HSPA4: variants seen among roughly 807,000 people sequenced by gnomAD.
HSPA4 encodes heat shock protein family A (Hsp70) member 4.
Under a neutral mutation model 106.2 loss-of-function variants are expected in HSPA4, and 25 were observed. The ratio of observed to expected loss-of-function variants is 0.24; its 90% confidence interval spans 0.17 to 0.33. The LOEUF (loss-of-function observed/expected upper bound fraction) is 0.33. Among genes scored for constraint, HSPA4 ranks in the 10% least tolerant of loss-of-function variants. The pLI is 1.00. For synonymous variants in HSPA4, 332 were observed against 333.6 expected, an observed-to-expected ratio of 1.00 and a Z score of 0.05; for missense variants, 841 against 996.0, an observed-to-expected ratio of 0.84 and a Z score of 2.10.
rs750197107 is a variant in HSPA4, at chr5:133,070,502, T to G, written c.429+6T>G. The G allele has an allele frequency of 7.4e-6, 12 of 1,613,420 alleles. No homozygotes were observed. The highest frequency in any genetic ancestry group is 1.0e-5 in the Non-Finnish European group (12 of 1,179,676). ...TAGTTGACTGTGTTGTTTCGGTGAG[T>G]TTGATCCCTATACATTATTGGGAAT... On this transcript the variant is annotated splice_donor_region_variant and intron_variant, in intron 4 of 18. Transcript: ENST00000304858.
chr5:133,097,808 C>G (rs1192382610), intron 15 of HSPA4, among the ~76,000 whole-genome samples: 2 of 151,938 alleles, frequency 1.3e-5, no homozygotes, highest in African/African-American at 4.8e-5. Flanking sequence ...CTTGGCCTCC[C>G]GAAGTGCTGG....
At chr5:133,063,513 C>T (rs111614517) in intron 1 of HSPA4, among the ~76,000 whole-genome samples, 2,537 of 152,158 alleles carry the variant, frequency 0.017, 35 homozygotes, top group South Asian at 0.039. Context: ...TCACTGCAAC[C>T]TCCGTCTCCC....
intron 7 of HSPA4, among the ~76,000 whole-genome samples, chr5:133,078,914 T>A (rs1373862740): frequency 6.6e-6 from 1 of 151,934 alleles, no homozygotes; most frequent in African/African-American, 2.4e-5. Context: ...TTGTATTTTT[T>A]GTAGAGACTG....
At chr5:133,053,740 A>G (rs760699812) in intron 1 of HSPA4, among the ~76,000 whole-genome samples, 68 of 151,206 alleles carry the variant, frequency 4.5e-4, no homozygotes, top group Non-Finnish European at 6.9e-4. Context: ...GCTCATTGCA[A>G]CCTCGGCCTC....
At position 133,089,703 on chromosome 5, in the gene HSPA4, A is replaced by C; in HGVS notation, c.1378+8A>C. The C allele has an allele frequency of 6.5e-7, 1 of 1,532,588 alleles. No homozygotes were observed. Among genetic ancestry groups the C allele is most frequent in the South Asian group, 1.3e-5 (1 of 78,460 alleles). 94.9% of individuals were successfully genotyped at this position (1,532,588 alleles called of 1,614,324 possible). ...ATCCAGATCCTGCTATAGGTAAGTA[A>C]AGAGTTGGAAATTAAAAAAGAAAAA... On this transcript the variant is annotated splice_region_variant and intron_variant, in intron 11 of 18. Coordinates refer to ENST00000304858, the MANE Select transcript of HSPA4 (RefSeq NM_002154.4).
Position 133,091,335 on chromosome 5 carries a change from G to A in HSPA4, c.1521G>A (p.Glu507=). The stretch of plus-strand genomic sequence containing the variant: ...AGGTTCACAAGTCTGAGGAAAATGA[G>A]GAGCCAATGGAAACAGATCAGAATG... ...LVEVHKSEEN[E]EPMETDQNAK... is the part of the protein sequence containing the mutation. Residue 507 remains glutamate, a synonymous_variant, in exon 12 of 19, where the codon GAG becomes GAA. Transcript: ENST00000304858. 6.2e-7 allele frequency: 1 copy of A among 1,613,876 alleles called. No individual in the cohort carries two copies. The highest frequency in any genetic ancestry group is 1.7e-5 in the Admixed American group (1 of 59,976).
At chr5:133,091,852 C>T (rs1252332279) in intron 12 of HSPA4, among the ~76,000 whole-genome samples, 1 of 151,812 alleles carries the variant, frequency 6.6e-6, no homozygotes, top group South Asian at 2.1e-4. Context: ...AAAGTGAGAC[C>T]CTCATCTCTA....
In HSPA4 at chr5:133,089,629, G is replaced by A; in HGVS notation, c.1312G>A (p.Glu438Lys). The change falls in exon 11 of 19, where the codon GAA (glutamate) becomes AAA (lysine). Residue 438 changes from glutamate (E) to lysine (K), a missense_variant. By Grantham distance (56) the Glu-to-Lys change is moderately conservative. This residue lies in a region of HSPA4 where 162 missense variants were observed against 177.7 expected (regional missense o/e 0.91). Transcript: ENST00000304858. The part of the protein sequence containing the change: ...FSKVLTFYRK[E>K]PFTLEAYYSS... The stretch of plus-strand genomic sequence containing the variant: ...TAAAGTTCTTACATTTTATAGAAAG[G>A]AACCTTTCACTCTTGAGGCCTACTA... The A allele has an allele frequency of 6.2e-7, 1 of 1,612,104 alleles. No individual in the cohort carries two copies. Among genetic ancestry groups the A allele is most frequent in the Non-Finnish European group, 8.5e-7 (1 of 1,178,758 alleles).
chr5:133,098,962 C>T (rs548801810), intron 15 of HSPA4, among the ~76,000 whole-genome samples: 2 of 152,254 alleles, frequency 1.3e-5, no homozygotes, highest in Non-Finnish European at 2.9e-5. Context: ...AGCCAGTGTT[C>T]CCAGATGCAC....
chr5:133,089,729 A>G (rs1431462061), intron 11 of HSPA4, 34 bp downstream of exon 11: 30 of 1,480,752 alleles, frequency 2.0e-5, no homozygotes, highest in Admixed American at 2.5e-5. Flanking sequence ...AAAAGAAAAA[A>G]AAAAAAAAGC....
intron 10 of HSPA4, 34 bp downstream of exon 10, chr5:133,089,195 G>A (rs1554089702): frequency 8.5e-7 from 1 of 1,179,672 alleles, no homozygotes; most frequent in Admixed American, 2.1e-5. Context: ...CATATCTAAA[G>A]TTAATTGACT....
intron 3 of HSPA4, 61 bp from the exon 4 acceptor site, chr5:133,070,313 A>G: frequency 2.7e-6 from 4 of 1,506,754 alleles, no homozygotes; most frequent in Non-Finnish European, 3.6e-6. Flanking sequence ...TTTAGCTTTT[A>G]GGACTAGGAC....
At chr5:133,080,888 T>C (rs1765506226) in intron 7 of HSPA4, among the ~76,000 whole-genome samples, 2 of 152,204 alleles carry the variant, frequency 1.3e-5, no homozygotes, top group South Asian at 4.1e-4. Flanking sequence ...ACCTTACTAT[T>C]TTAAAGTGTA....
intron 15 of HSPA4, among the ~76,000 whole-genome samples, chr5:133,097,502 T>C (rs965610451): frequency 2.6e-5 from 4 of 152,086 alleles, no homozygotes; most frequent in South Asian, 2.1e-4. Flanking sequence ...AAATCACTTT[T>C]GACACATTCG....
At chr5:133,065,860 C>T (rs1416002491) in intron 2 of HSPA4, among the ~76,000 whole-genome samples, 1 of 152,156 alleles carries the variant, frequency 6.6e-6, no homozygotes, top group African/African-American at 2.4e-5. Context: ...TCTGAGATAT[C>T]TGTAAAATTA....
At chr5:133,099,698 C>T (rs770352726) in intron 16 of HSPA4, 46 bp downstream of exon 16, 3 of 1,042,260 alleles carry the variant, frequency 2.9e-6, no homozygotes, top group South Asian at 2.9e-5. Flanking sequence ...CTTGTTGAAG[C>T]TTCCTCTGAG....
At chr5:133,056,875 C>T (rs1765171737) in intron 1 of HSPA4, among the ~76,000 whole-genome samples, 1 of 152,120 alleles carries the variant, frequency 6.6e-6, no homozygotes, top group Non-Finnish European at 1.5e-5. Context: ...TGAGTTAAAA[C>T]TATAACTTAT....
chr5:133,088,194 T>C (rs1478841756), intron 8 of HSPA4, among the ~76,000 whole-genome samples: 1 of 152,172 alleles, frequency 6.6e-6, no homozygotes, highest in South Asian at 2.1e-4. Flanking sequence ...TCCCACTAGC[T>C]ACCCTTCCCC....
intron 1 of HSPA4, among the ~76,000 whole-genome samples, chr5:133,063,302 A>G (rs1180150151): frequency 6.8e-6 from 1 of 147,956 alleles, no homozygotes; most frequent in Non-Finnish European, 1.5e-5. Flanking sequence ...TTTTTTTTAT[A>G]GAGACAGGGT....
Sources: gnomAD v4.1 joint callset for allele counts (sites outside exome capture counted in the v4.1 genomes callset) on GRCh38, gnomAD v4.1.1 for gene constraint, gnomAD v4.1.1 regional missense constraint, MANE v1.5 for transcripts, NCBI Gene and HGNC (gene_info 2026-07-23, HGNC 2026-07-21) for gene names.